MYRIP: variants seen among roughly 807,000 people sequenced by gnomAD.
The protein encoded by MYRIP is myosin VIIA and Rab interacting protein.
Under a neutral mutation model 98.0 loss-of-function variants are expected in MYRIP, and 49 were observed. The observed-to-expected ratio is 0.50, with a 90% CI of 0.40 to 0.63. The LOEUF (loss-of-function observed/expected upper bound fraction) is 0.63. MYRIP is among the 30% of genes least tolerant of loss of function. The pLI, the probability that MYRIP is intolerant of heterozygous loss-of-function variation, is 0.00. For missense variants in MYRIP, 1,004 were observed against 1,058.2 expected (o/e 0.95, Z 0.71); for synonymous variants, 404 against 409.5 (o/e 0.99, Z 0.16).
chr3:39,854,327 G>A (rs1013484125), intron 1 of MYRIP, among the ~76,000 whole-genome samples: 4 of 151,982 alleles, frequency 2.6e-5, no homozygotes, highest in African/African-American at 4.8e-5. Context: ...TTTTTTGGAG[G>A]CTTTGTTAAT....
At chr3:40,229,999 G>C (rs557482860) in intron 11 of MYRIP, among the ~76,000 whole-genome samples, 1 of 152,166 alleles carries the variant, frequency 6.6e-6, no homozygotes, top group South Asian at 2.1e-4. Flanking sequence ...TATTTAATTT[G>C]TATTTCTTTG....
chr3:39,973,040 G>A (rs988066972), intron 2 of MYRIP, among the ~76,000 whole-genome samples: 15 of 151,826 alleles, frequency 9.9e-5, no homozygotes, highest in African/African-American at 3.1e-4. Flanking sequence ...TAAAAGATCT[G>A]GAGGGAATAT....
At chr3:39,996,680 G>C (rs889132060) in intron 2 of MYRIP, among the ~76,000 whole-genome samples, 3 of 152,070 alleles carry the variant, frequency 2.0e-5, no homozygotes, top group African/African-American at 7.2e-5. Context: ...GCACCAAGTG[G>C]ACCTAATAGA....
At chr3:40,108,664 G>A (rs997167150) in intron 3 of MYRIP, among the ~76,000 whole-genome samples, 1 of 152,170 alleles carries the variant, frequency 6.6e-6, no homozygotes, top group Non-Finnish European at 1.5e-5. Flanking sequence ...GAGGAAGTAA[G>A]ACCAGCAAAG....
intron 2 of MYRIP, among the ~76,000 whole-genome samples, chr3:39,996,091 A>G (rs1012138788): frequency 6.6e-6 from 1 of 152,250 alleles, no homozygotes; most frequent in Non-Finnish European, 1.5e-5. Context: ...CCAAATTGTA[A>G]AGACCATCGA....
intron 1 of MYRIP, among the ~76,000 whole-genome samples, chr3:39,871,431 C>T (rs909286571): frequency 6.6e-6 from 1 of 152,062 alleles, no homozygotes; most frequent in East Asian, 1.9e-4. Flanking sequence ...AGCATGAGTT[C>T]TTCTTATAAT....
intron 2 of MYRIP, among the ~76,000 whole-genome samples, chr3:40,038,128 T>TA (rs11359844): frequency 3.3e-5 from 5 of 151,686 alleles, no homozygotes; most frequent in East Asian, 1.9e-4. Flanking sequence ...ATCAAAATGT[T>TA]AAAAAAAAAA....
intron 11 of MYRIP, among the ~76,000 whole-genome samples, chr3:40,212,812 G>C (rs1430866070): frequency 6.6e-6 from 1 of 152,056 alleles, no homozygotes; most frequent in East Asian, 1.9e-4. Flanking sequence ...TGTGGTCCCA[G>C]TTACTCGAGA....
At chr3:40,048,649 A>G (rs1217098322) in intron 3 of MYRIP, among the ~76,000 whole-genome samples, 1 of 152,076 alleles carries the variant, frequency 6.6e-6, no homozygotes, top group African/African-American at 2.4e-5. Context: ...AAAACAATCC[A>G]TATTTTTTTC....
intron 2 of MYRIP, among the ~76,000 whole-genome samples, chr3:39,967,957 G>A (rs1945481050): frequency 6.6e-6 from 1 of 152,054 alleles, no homozygotes; most frequent in Non-Finnish European, 1.5e-5. Context: ...ATTTGTTTAA[G>A]TTTTTTATAT....
At chr3:40,012,894 A>G (rs1331563415) in intron 2 of MYRIP, among the ~76,000 whole-genome samples, 1 of 152,090 alleles carries the variant, frequency 6.6e-6, no homozygotes, top group Non-Finnish European at 1.5e-5. Flanking sequence ...GCGTCTACAT[A>G]TATACACACA....
chr3:40,080,474 A>C (rs1408861211), intron 3 of MYRIP, among the ~76,000 whole-genome samples: 2 of 152,084 alleles, frequency 1.3e-5, no homozygotes, highest in African/African-American at 4.8e-5. Flanking sequence ...TTTTCTAAAA[A>C]AAGAAAAAAA....
At chr3:40,137,967 T>A (rs1266837115) in intron 3 of MYRIP, among the ~76,000 whole-genome samples, 23 of 152,204 alleles carry the variant, frequency 1.5e-4, no homozygotes, top group Admixed American at 1.5e-3. Flanking sequence ...GTCATAAATT[T>A]ATTTACATCA....
intron 1 of MYRIP, among the ~76,000 whole-genome samples, chr3:39,899,946 A>G (rs1943705783): frequency 1.3e-5 from 2 of 151,994 alleles, no homozygotes; most frequent in Non-Finnish European, 2.9e-5. Context: ...TCAGCCTCCC[A>G]AGTAGCTGGG....
intron 2 of MYRIP, among the ~76,000 whole-genome samples, chr3:40,016,291 C>T (rs1172294373): frequency 6.6e-6 from 1 of 152,092 alleles, no homozygotes; most frequent in East Asian, 1.9e-4. Flanking sequence ...CTGTTGGTGC[C>T]TCATCCAGAA....
At chr3:39,968,219 C>G (rs1437557222) in intron 2 of MYRIP, among the ~76,000 whole-genome samples, 2 of 117,746 alleles carry the variant, frequency 1.7e-5, no homozygotes, top group African/African-American at 7.7e-5. Context: ...TCACATTTAA[C>G]TTGTTTTTTT....
At chr3:39,965,920 A>G (rs1422108740) in intron 2 of MYRIP, among the ~76,000 whole-genome samples, 2 of 152,190 alleles carry the variant, frequency 1.3e-5, no homozygotes, top group Non-Finnish European at 2.9e-5. Context: ...TATGTTTGAT[A>G]TCAGTTGAAA....
chr3:40,141,307 T>G lies in MYRIP; in HGVS notation c.333-9741T>G, dbSNP rs185355152. On this transcript the variant is annotated intron_variant, in intron 3 of 16. Coordinates refer to ENST00000302541, the MANE Select transcript of MYRIP (RefSeq NM_015460.4). ...TCCCATTTTTTAATTGGATTGTTTG[T>G]TTTTTTGCTGTTGCTTCAGTTCCTT... Among the ~76,000 whole-genome samples, 173 of 152,286 alleles carry G rather than the reference T, an allele frequency of 1.1e-3. 1 individual carries two copies. Among genetic ancestry groups the G allele is most frequent in the African/African-American group, 4.0e-3 (168 of 41,548 alleles).
chr3:40,145,923 A>C (rs1949999804), intron 3 of MYRIP, among the ~76,000 whole-genome samples: 1 of 152,220 alleles, frequency 6.6e-6, no homozygotes, highest in Admixed American at 6.5e-5. Flanking sequence ...GTTATAAAAC[A>C]ATGTCTGTCC....
Sources: gnomAD v4.1 joint callset for allele counts (sites outside exome capture counted in the v4.1 genomes callset) on GRCh38, gnomAD v4.1.1 for gene constraint, MANE v1.5 for transcripts, NCBI Gene and HGNC (gene_info 2026-07-23, HGNC 2026-07-21) for gene names.